The following LHX4 variants were observed in gnomAD, a reference collection of about 807,000 sequenced individuals.
The protein encoded by LHX4 is LIM homeobox 4.
A neutral mutation model predicts 39.2 loss-of-function variants in LHX4; 16 were observed. The observed-to-expected ratio is 0.41, with a 90% CI of 0.28 to 0.62. The LOEUF is 0.62. Among genes scored for constraint, LHX4 ranks in the 20% least tolerant of loss-of-function variants. The pLI is 0.33. For synonymous variants in LHX4, 206 were observed against 198.1 expected, an observed-to-expected ratio of 1.04 and a Z score of -0.33; for missense variants, 439 against 511.9, an observed-to-expected ratio of 0.86 and a Z score of 1.37.
rs1359786872 is a variant in LHX4, at chr1:180,266,693, C to T, written c.451+99C>T. ...TCTCATGGCGTCCCACCTGCCCATCCCTCAGAGCCCTACTCATGCACCGCC... is the reference window on the plus strand; with the variant it reads ...TCTCATGGCGTCCCACCTGCCCATCTCTCAGAGCCCTACTCATGCACCGCC... On this transcript the variant is annotated intron_variant, in intron 3 of 5. Transcript: ENST00000263726. The surrounding 1 kb of genome is among the most constrained non-coding windows in gnomAD (Gnocchi z 5.7). 1 of 1,162,324 alleles carries T rather than the reference C, an allele frequency of 8.6e-7. No homozygotes were observed. The highest frequency in any genetic ancestry group is 2.5e-5 in the East Asian group (1 of 39,294). The allele number at this position is 1,162,324 out of a possible 1,614,324, so 72.0% of individuals were successfully genotyped here. A position where few individuals can be genotyped will look rare whatever the true frequency, so the allele number is the denominator to read the frequency against.
At chr1:180,249,256 AT>A (rs1468550820) in intron 2 of LHX4, among the ~76,000 whole-genome samples, 1 of 152,130 alleles carries the variant, frequency 6.6e-6, no homozygotes, top group Non-Finnish European at 1.5e-5. Context: ...ACTGTCTGAG[AT>A]TTTCCTTTCT....
upstream of LHX4, chr1:180,230,248 G>GC: frequency 6.8e-6 from 3 of 438,302 alleles, no homozygotes; most frequent in Non-Finnish European, 8.3e-6. The surrounding 1 kb of genome is among the most constrained non-coding windows in gnomAD (Gnocchi z 5.8). Context: ...GCGGGGGAGG[G>GC]AAGAGGAAAA....
At chr1:180,248,637 T>A (rs1159365348) in intron 2 of LHX4, 181 bp downstream of exon 2, 1 of 700,210 alleles carries the variant, frequency 1.4e-6, no homozygotes, top group Non-Finnish European at 2.5e-6. Flanking sequence ...CACTGGCCCA[T>A]CACTGCCAGA....
intron 3 of LHX4, chr1:180,271,145 A>T (rs1023504700): frequency 1.7e-6 from 1 of 589,590 alleles, no homozygotes; most frequent in Non-Finnish European, 3.1e-6. Flanking sequence ...TGAGGCAGGG[A>T]GCTGAGCAGA....
chr1:180,254,764 T>C (rs1647774198), intron 2 of LHX4, among the ~76,000 whole-genome samples: 1 of 152,152 alleles, frequency 6.6e-6, no homozygotes, highest in African/African-American at 2.4e-5. Flanking sequence ...CGCTTTCCCA[T>C]CTCTACAGGC....
chr1:180,242,019 G>C (rs375333159), intron 1 of LHX4, among the ~76,000 whole-genome samples: 8 of 151,526 alleles, frequency 5.3e-5, no homozygotes, highest in African/African-American at 1.9e-4. Flanking sequence ...GTCTCACTAT[G>C]TTGCCCAGGC....
At chr1:180,239,061 A>G (rs1207631296) in intron 1 of LHX4, among the ~76,000 whole-genome samples, 5 of 152,262 alleles carry the variant, frequency 3.3e-5, no homozygotes, top group Non-Finnish European at 5.9e-5. Flanking sequence ...ATCCAGTAAT[A>G]GACCTCTTAG....
At chr1:180,274,066 G>T in intron 5 of LHX4, 119 bp from the exon 6 acceptor site, 1 of 1,298,382 alleles carries the variant, frequency 7.7e-7, no homozygotes, top group South Asian at 1.2e-5. Flanking sequence ...ATGCTTGGCT[G>T]CAAGGCAGCT....
chr1:180,273,730 C>T (rs1474941941), intron 5 of LHX4: 1 of 202,020 alleles, frequency 5.0e-6, no homozygotes, highest in Non-Finnish European at 1.0e-5. Context: ...GAGTGGTCCT[C>T]AGCTTCCCTG....
Position 180,257,174 on chromosome 1 carries a change from T to C in LHX4, c.248+8718T>C, listed in dbSNP as rs186091041. On this transcript the variant is annotated intron_variant, in intron 2 of 5. Coordinates refer to ENST00000263726, the MANE Select transcript of LHX4 (RefSeq NM_033343.4). ...TTGGGCTCTCGTCCACTTCCTGCCA[T>C]GGATGGAGCTGTGTGATCTTGGGCA... Among the ~76,000 whole-genome samples the C allele has an allele frequency of 2.4e-3, 372 of 152,276 alleles. 1 individual carries two copies. Among genetic ancestry groups the C allele is most frequent in the African/African-American group, 8.8e-3 (364 of 41,564 alleles).
chr1:180,263,873 C>T (rs879649132), intron 2 of LHX4, among the ~76,000 whole-genome samples: 1 of 152,138 alleles, frequency 6.6e-6, no homozygotes, highest in Non-Finnish European at 1.5e-5. Context: ...CTCAGCCCTC[C>T]TCTCCTTGGA....
chr1:180,269,738 C>T (rs1648522371), intron 3 of LHX4: 1 of 152,358 alleles, frequency 6.6e-6, no homozygotes, highest in South Asian at 2.1e-4. Context: ...TTCAAAGTTG[C>T]ATCAGACACT....
intron 2 of LHX4, among the ~76,000 whole-genome samples, chr1:180,257,908 T>G (rs1355158572): frequency 6.6e-6 from 1 of 152,202 alleles, no homozygotes; most frequent in Non-Finnish European, 1.5e-5. Context: ...CTCCACCGTT[T>G]GTCTGTGAGG....
chr1:180,236,665 G>T (rs538375987), intron 1 of LHX4, among the ~76,000 whole-genome samples: 82 of 152,336 alleles, frequency 5.4e-4, no homozygotes, highest in African/African-American at 1.9e-3. Flanking sequence ...TCCTATTGAA[G>T]AGTTGTGGAT....
intron 2 of LHX4, among the ~76,000 whole-genome samples, chr1:180,250,348 T>TGTGTGTGC (rs561965552): frequency 0.14 from 9,135 of 63,048 alleles, 313 homozygotes; most frequent in African/African-American, 0.22. Context: ...TGTGTGTGTG[T>TGTGTGTGC]GCGCGCGTGG....
intron 2 of LHX4, among the ~76,000 whole-genome samples, chr1:180,252,064 G>A (rs1647650717): frequency 6.6e-6 from 1 of 152,222 alleles, no homozygotes; most frequent in Admixed American, 6.5e-5. Flanking sequence ...AGACAGGGAG[G>A]CAGCAGGCTG....
intron 3 of LHX4, among the ~76,000 whole-genome samples, chr1:180,269,137 G>A (rs1648469443): frequency 7.9e-5 from 1 of 12,704 alleles, no homozygotes; most frequent in Admixed American, 7.3e-4. Context: ...AATGTAGAGT[G>A]TGTGGGGGGG....
chr1:180,273,592 T>A (rs988035407), intron 5 of LHX4: 1 of 152,492 alleles, frequency 6.6e-6, no homozygotes, highest in Non-Finnish European at 1.5e-5. Context: ...AAAAGAAGGT[T>A]CATTTGCCTT....
Position 180,234,657 on chromosome 1 carries a change from A to G in LHX4, c.76+4052A>G, listed in dbSNP as rs552634584. ...TAACTGTTAAAGCCGGACACGGAGC[A>G]CGCAGGTGCAGCAGGTGAGGGGCAA... On this transcript the variant is annotated intron_variant, in intron 1 of 5. Transcript: ENST00000263726. This position sits in a 1 kb window ranked among gnomAD's most constrained non-coding sequence, Gnocchi z 4.8. 2.5e-4 allele frequency among the ~76,000 whole-genome samples: 38 copies of G among 152,382 alleles called. No individual in the cohort carries two copies. The highest frequency in any genetic ancestry group is 3.4e-3 in the Middle Eastern group (1 of 294).
Sources: gnomAD v4.1 joint callset for allele counts (sites outside exome capture counted in the v4.1 genomes callset) on GRCh38, gnomAD v4.1.1 for gene constraint, Gnocchi (gnomAD v3.1) non-coding constraint, MANE v1.5 for transcripts, NCBI Gene and HGNC (gene_info 2026-07-23, HGNC 2026-07-21) for gene names.